PDE8A: variants seen among roughly 807,000 people sequenced by gnomAD.
The protein encoded by PDE8A is phosphodiesterase 8A.
In PDE8A, 59 loss-of-function variants were observed where a neutral mutation model predicts 105.0. The ratio of observed to expected loss-of-function variants is 0.56; its 90% CI spans 0.46 to 0.70. The LOEUF is 0.70. PDE8A is among the 30% of genes least tolerant of loss of function. The probability of loss-of-function intolerance (pLI) is 0.00; values close to 1 mark genes in which losing one functional copy is unlikely to be tolerated. For missense variants in PDE8A, 1,014 were observed against 1,045.9 expected, an observed-to-expected ratio of 0.97 and a Z score of 0.42; for synonymous variants, 355 against 371.9, an observed-to-expected ratio of 0.95 and a Z score of 0.52.
chr15:85,112,268 G>A (rs938734809), intron 12 of PDE8A, among the ~76,000 whole-genome samples: 8 of 152,080 alleles, frequency 5.3e-5, no homozygotes, highest in Admixed American at 2.6e-4. Flanking sequence ...GCTAATTAAC[G>A]TGTATTACCT....
chr15:85,080,152 T>C (rs896877428), intron 5 of PDE8A, among the ~76,000 whole-genome samples: 4 of 152,234 alleles, frequency 2.6e-5, no homozygotes, highest in African/African-American at 9.6e-5. Context: ...GATTTTAGTT[T>C]ATATGTAAAT....
chr15:85,030,049 T>A (rs945730367), intron 1 of PDE8A, among the ~76,000 whole-genome samples: 3 of 152,002 alleles, frequency 2.0e-5, no homozygotes, highest in African/African-American at 7.2e-5. Flanking sequence ...AAGGGAAAAA[T>A]GATGTTGAGA....
chr15:84,990,420 C>T (rs533864847), intron 1 of PDE8A, among the ~76,000 whole-genome samples: 12 of 152,114 alleles, frequency 7.9e-5, no homozygotes, highest in Admixed American at 7.9e-4. Flanking sequence ...AACCACTGTT[C>T]TGAATTTTTT....
intron 1 of PDE8A, among the ~76,000 whole-genome samples, chr15:85,059,566 A>G (rs781764464): frequency 5.3e-5 from 8 of 152,218 alleles, no homozygotes; most frequent in Admixed American, 1.3e-4. Flanking sequence ...AATGTTTAAC[A>G]TATAGTGTCC....
At position 85,100,170 on chromosome 15, in the gene PDE8A, C is replaced by T. The variant is rs144541292; in HGVS notation, c.1008C>T (p.Ser336=). The T allele has an allele frequency of 2.3e-4, 364 of 1,613,670 alleles. 4 individuals carry two copies. The South Asian group carries it at 3.5e-3, about 15-fold the overall frequency. Residue 336 remains serine (S), a synonymous_variant, in exon 11 of 22, where the codon TCC becomes TCT. Transcript: ENST00000394553. ...TTCACTTTTAGGCTGAGAAAATATC[C>T]GAATGTGTTCAGTCTGACACTCATA... ...CNGNNKAEKI[S]ECVQSDTHTD...
chr15:84,980,626 G>A (rs900658393), upstream of PDE8A: 2 of 152,428 alleles, frequency 1.3e-5, no homozygotes, highest in Admixed American at 6.5e-5. Flanking sequence ...CAGGATACGT[G>A]ATGGACGCCC....
intron 3 of PDE8A, 35 bp downstream of exon 3, chr15:85,067,239 G>A (rs1336454045): frequency 6.7e-7 from 1 of 1,482,312 alleles, no homozygotes; most frequent in East Asian, 2.3e-5. Flanking sequence ...TAGTCCCATT[G>A]GCCTTTCTGA....
intron 2 of PDE8A, 134 bp downstream of exon 2, chr15:85,064,560 C>G: frequency 3.2e-6 from 2 of 633,264 alleles, no homozygotes; most frequent in Admixed American, 5.7e-5. Flanking sequence ...ATTCCCTGAA[C>G]TCTGTAACAG....
At chr15:84,991,775 T>A (rs2079889067) in intron 1 of PDE8A, among the ~76,000 whole-genome samples, 1 of 152,248 alleles carries the variant, frequency 6.6e-6, no homozygotes, top group Admixed American at 6.5e-5. Context: ...ATTATAGTTT[T>A]AGATATTAAC....
At chr15:85,062,422 C>G (rs1396953026) in intron 1 of PDE8A, 4 of 152,146 alleles carry the variant, frequency 2.6e-5, no homozygotes, top group Non-Finnish European at 5.9e-5. Context: ...GCCTTAGTCC[C>G]TAATGTCTGA....
At chr15:85,040,641 A>G (rs2080790334) in intron 1 of PDE8A, among the ~76,000 whole-genome samples, 1 of 150,060 alleles carries the variant, frequency 6.7e-6, no homozygotes, top group African/African-American at 2.5e-5. Context: ...GCTCACTGCA[A>G]GCTCTGCCTC....
intron 1 of PDE8A, among the ~76,000 whole-genome samples, chr15:84,993,172 G>T (rs536787801): frequency 1.3e-5 from 2 of 152,020 alleles, no homozygotes; most frequent in South Asian, 2.1e-4. Context: ...GGCTGGGCGT[G>T]GTGGCTCATG....
intron 1 of PDE8A, among the ~76,000 whole-genome samples, chr15:85,034,283 A>T (rs2080666484): frequency 1.3e-5 from 2 of 152,264 alleles, no homozygotes; most frequent in Admixed American, 1.3e-4. Context: ...TATGTTAGAA[A>T]TCAAGAAAGA....
chr15:85,098,005 G>A lies in PDE8A; in HGVS notation c.910G>A (p.Val304Met), dbSNP rs750560627. The change falls in exon 9 of 22, where the codon GTG (valine) becomes ATG (methionine). Residue 304 changes from valine (V) to methionine (M), a missense_variant. Physicochemically the swap from Val to Met is conservative, Grantham distance 21 (BLOSUM62 1). Transcript: ENST00000394553. ...AAACGGAGATAATATACAACAAAAT[G>A]TGAAGATAATACCTGTCATTGGACA... is the stretch of plus-strand genomic sequence containing the variant. Reference protein sequence around the residue: ...KKNGDNIQQNVKIIPVIGQGG... With the variant: ...KKNGDNIQQNMKIIPVIGQGG... 9 of 1,602,348 alleles carry A rather than the reference G, an allele frequency of 5.6e-6. No individual in the cohort carries two copies. Among genetic ancestry groups the A allele is most frequent in the African/African-American group, 1.3e-5 (1 of 74,698 alleles).
chr15:85,076,973 G>A (rs150349758), intron 5 of PDE8A, among the ~76,000 whole-genome samples, 186 bp downstream of exon 5: 16 of 152,164 alleles, frequency 1.1e-4, no homozygotes, highest in African/African-American at 3.4e-4. Flanking sequence ...TTGGGCCCAG[G>A]AGTTCAAGAC....
chr15:84,995,425 C>T (rs2079960478), intron 1 of PDE8A, among the ~76,000 whole-genome samples: 5 of 151,892 alleles, frequency 3.3e-5, no homozygotes, highest in Admixed American at 3.3e-4. Context: ...ACTGATCCTC[C>T]TCCCACCTCA....
chr15:85,033,549 C>T (rs1217331883), intron 1 of PDE8A, among the ~76,000 whole-genome samples: 1 of 152,068 alleles, frequency 6.6e-6, no homozygotes, highest in Non-Finnish European at 1.5e-5. Context: ...GGCCCTGGCT[C>T]CTCTCCCAAA....
Position 85,126,239 on chromosome 15 carries a change from T to A in PDE8A, c.2118T>A (p.Thr706=), listed in dbSNP as rs779693100. 3.9e-5 allele frequency: 63 copies of A among 1,611,002 alleles called. 3 individuals are homozygous for A. In the Middle Eastern group the frequency reaches 6.6e-4, roughly 17 times the overall value. The change falls in exon 20 of 22, where the codon ACT becomes ACA. Residue 706 remains threonine (T), a synonymous_variant. Coordinates refer to ENST00000394553, the MANE Select transcript of PDE8A (RefSeq NM_002605.3). ...ATAAAAACCAGGAAGTGATAAACAC[T>A]ATGCTTAGGACTCCAGAGAACCGGA... ...ETDKNQEVIN[T]MLRTPENRTL...
At chr15:85,037,369 C>G (rs1390534699) in intron 1 of PDE8A, among the ~76,000 whole-genome samples, 1 of 152,192 alleles carries the variant, frequency 6.6e-6, no homozygotes, top group Non-Finnish European at 1.5e-5. Context: ...CCAGCCTGAT[C>G]ACTTTCTTTT....
Sources: gnomAD v4.1 joint callset for allele counts (sites outside exome capture counted in the v4.1 genomes callset) on GRCh38, gnomAD v4.1.1 for gene constraint, MANE v1.5 for transcripts, NCBI Gene and HGNC (gene_info 2026-07-23, HGNC 2026-07-21) for gene names.